The following KIAA1958 variants were observed in gnomAD, a reference collection of about 807,000 sequenced individuals.
KIAA1958 encodes KIAA1958, also known as uncharacterized protein KIAA1958.
Under a neutral mutation model 47.2 loss-of-function variants are expected in KIAA1958, and 14 were observed. The ratio of observed to expected loss-of-function variants is 0.30; its 90% CI spans 0.20 to 0.46. The LOEUF is 0.46. Ranked by LOEUF, KIAA1958 falls within the 20% of genes least tolerant of loss-of-function variation. The pLI, the probability that KIAA1958 is intolerant of heterozygous loss-of-function variation, is 1.00. For missense variants in KIAA1958, 803 were observed against 909.2 expected (o/e 0.88, Z 1.50); for synonymous variants, 354 against 353.3 (o/e 1.00, Z -0.02).
At position 112,659,493 on chromosome 9, in the gene KIAA1958, G is replaced by A. The variant is rs752839862; in HGVS notation, c.1575G>A (p.Ala525=). Residue 525 remains alanine (A), a synonymous_variant, in exon 4 of 4, where the codon GCG becomes GCA. Coordinates refer to ENST00000337530, the MANE Select transcript of KIAA1958 (RefSeq NM_133465.4). ...WVLSKAGMSG[A]RSRNIVYFSL... ...TGAGTAAGGCAGGCATGTCGGGCGC[G>A]CGTTCTCGCAACATCGTCTACTTCT... The A allele has an allele frequency of 9.3e-6, 15 of 1,613,606 alleles. No individual in the cohort carries two copies. The highest frequency in any genetic ancestry group is 1.2e-5 in the Non-Finnish European group (14 of 1,179,798).
At chr9:112,627,714 A>G (rs1189262961) in intron 2 of KIAA1958, among the ~76,000 whole-genome samples, 2 of 152,226 alleles carry the variant, frequency 1.3e-5, no homozygotes, top group Non-Finnish European at 2.9e-5. Context: ...AGATCACACT[A>G]CTGCACTCCA....
intron 2 of KIAA1958, among the ~76,000 whole-genome samples, chr9:112,605,775 C>T (rs966220069): frequency 4.6e-5 from 7 of 152,176 alleles, no homozygotes; most frequent in Non-Finnish European, 8.8e-5. Flanking sequence ...CTCTACTGCT[C>T]CTCCTTCTGC....
chr9:112,633,679 T>G (rs1015591663), intron 2 of KIAA1958, among the ~76,000 whole-genome samples: 2 of 152,124 alleles, frequency 1.3e-5, no homozygotes, highest in Non-Finnish European at 2.9e-5. Context: ...TAGAGTCATT[T>G]TATCTGGTTT....
chr9:112,668,669 A>G lies in KIAA1958; in HGVS notation c.*8600A>G, dbSNP rs148956503. On this transcript the variant is annotated 3_prime_UTR_variant, in exon 4 of 4. Coordinates refer to ENST00000337530, the MANE Select transcript of KIAA1958 (RefSeq NM_133465.4). ...TTTTGCCAATTTAAACTCTAAACTA[A>G]ATTTTCAATGACACCAGCATGTTTG... 2.1e-4 allele frequency: 32 copies of G among 152,316 alleles called. No homozygotes were observed. Among genetic ancestry groups the G allele is most frequent in the African/African-American group, 6.3e-4 (26 of 41,572 alleles). 9.4% of individuals were successfully genotyped at this position (152,316 alleles called of 1,614,324 possible). A position where few individuals can be genotyped will look rare whatever the true frequency, so the allele number is the denominator to read the frequency against.
At chr9:112,533,322 T>TC (rs1383560752) in intron 1 of KIAA1958, among the ~76,000 whole-genome samples, 1 of 151,264 alleles carries the variant, frequency 6.6e-6, no homozygotes, top group Admixed American at 6.6e-5. Context: ...AGTGCTGTAA[T>TC]CCGAAGCACT....
At chr9:112,515,972 A>T (rs1397364903) in intron 1 of KIAA1958, among the ~76,000 whole-genome samples, 2 of 151,646 alleles carry the variant, frequency 1.3e-5, no homozygotes, top group Admixed American at 6.6e-5. Flanking sequence ...GTTTCTAGAC[A>T]GTGAAATAAA....
intron 1 of KIAA1958, among the ~76,000 whole-genome samples, chr9:112,507,698 A>G (rs948122382): frequency 2.0e-5 from 3 of 152,172 alleles, no homozygotes; most frequent in African/African-American, 4.8e-5. Flanking sequence ...TGTGACATCA[A>G]TCAAACATCT....
intron 3 of KIAA1958, among the ~76,000 whole-genome samples, chr9:112,656,116 T>C (rs62575226): frequency 0.085 from 12,927 of 152,144 alleles, 688 homozygotes; most frequent in Non-Finnish European, 0.12. Context: ...CTCAAGCCTA[T>C]AATCCCAGCA....
chr9:112,618,424 A>G lies in KIAA1958; in HGVS notation c.1172-27226A>G. On this transcript the variant is annotated intron_variant, in intron 2 of 3. Transcript: ENST00000337530. This position sits in a 1 kb window ranked among gnomAD's most constrained non-coding sequence, Gnocchi z 7.1. ...GGGGTGATATCCGGCTCCGGGTAAC[A>G]GAGACGGGTCTCGAGTACTTGGAGT... 2.6e-6 allele frequency: 4 copies of G among 1,551,248 alleles called. No individual in the cohort carries two copies. The highest frequency in any genetic ancestry group is 3.5e-6 in the Non-Finnish European group (4 of 1,147,132).
chr9:112,549,081 T>C (rs879630361), intron 1 of KIAA1958, among the ~76,000 whole-genome samples: 2 of 152,254 alleles, frequency 1.3e-5, no homozygotes, highest in African/African-American at 4.8e-5. Context: ...TATTTTGTTA[T>C]GGCAGCTCTA....
chr9:112,529,047 CATTT>C (rs1834707729), intron 1 of KIAA1958, among the ~76,000 whole-genome samples: 1 of 152,120 alleles, frequency 6.6e-6, no homozygotes, highest in Non-Finnish European at 1.5e-5. Context: ...CATATATGCA[CATTT>C]ATTCTTTCCA....
At chr9:112,647,478 A>AC (rs1465283973) in intron 3 of KIAA1958, among the ~76,000 whole-genome samples, 3 of 152,178 alleles carry the variant, frequency 2.0e-5, no homozygotes, top group Admixed American at 6.5e-5. Context: ...AAACAAACAA[A>AC]AAAAACAGCG....
At chr9:112,599,190 A>G (rs1836086212) in intron 2 of KIAA1958, among the ~76,000 whole-genome samples, 1 of 152,090 alleles carries the variant, frequency 6.6e-6, no homozygotes, top group Non-Finnish European at 1.5e-5. Flanking sequence ...CTTTCTTCAT[A>G]CTTTTTGTAT....
At chr9:112,600,674 A>G (rs1257973514) in intron 2 of KIAA1958, among the ~76,000 whole-genome samples, 1 of 152,228 alleles carries the variant, frequency 6.6e-6, no homozygotes, top group African/African-American at 2.4e-5. Flanking sequence ...TATTAAATAC[A>G]TGAATGCCTG....
intron 1 of KIAA1958, among the ~76,000 whole-genome samples, chr9:112,491,153 A>G (rs960235752): frequency 6.6e-6 from 1 of 152,106 alleles, no homozygotes; most frequent in African/African-American, 2.4e-5. Flanking sequence ...TTTTGTAGCG[A>G]TGGGGTCTTG....
At chr9:112,542,019 G>A (rs558688352) in intron 1 of KIAA1958, among the ~76,000 whole-genome samples, 3 of 152,172 alleles carry the variant, frequency 2.0e-5, no homozygotes, top group African/African-American at 2.4e-5. Flanking sequence ...AGGAACGTTC[G>A]TTTTGTTAAA....
At chr9:112,499,596 A>T (rs1200735331) in intron 1 of KIAA1958, among the ~76,000 whole-genome samples, 3 of 151,790 alleles carry the variant, frequency 2.0e-5, no homozygotes, top group African/African-American at 7.3e-5. Context: ...TATCTTCTTG[A>T]TATGTATATA....
intron 1 of KIAA1958, among the ~76,000 whole-genome samples, chr9:112,552,666 AC>A (rs1835170791): frequency 6.6e-6 from 1 of 152,230 alleles, no homozygotes; most frequent in Non-Finnish European, 1.5e-5. Context: ...TCACTTAAAA[AC>A]AAGGAAAACG....
At chr9:112,625,375 A>G (rs62575200) in intron 2 of KIAA1958, among the ~76,000 whole-genome samples, 12,264 of 152,102 alleles carry the variant, frequency 0.081, 727 homozygotes, top group East Asian at 0.19. Flanking sequence ...GCTGGTCTCA[A>G]ACTCCTGGAC....
Sources: gnomAD v4.1 joint callset for allele counts (sites outside exome capture counted in the v4.1 genomes callset) on GRCh38, gnomAD v4.1.1 for gene constraint, Gnocchi (gnomAD v3.1) non-coding constraint, MANE v1.5 for transcripts, NCBI Gene and HGNC (gene_info 2026-07-23, HGNC 2026-07-21) for gene names.